PALM2AKAP2: variants seen among roughly 807,000 people sequenced by gnomAD.
The protein encoded by PALM2AKAP2 is PALM2 and AKAP2 fusion, also known as PALM2-AKAP2 fusion protein.
PALM2AKAP2 carries 37 observed loss-of-function variants against 71.5 expected under a neutral mutation model. That is an observed-to-expected ratio of 0.52 (90% CI 0.40 to 0.68). PALM2AKAP2 has a LOEUF of 0.68. Ranked by LOEUF, PALM2AKAP2 falls within the 30% of genes least tolerant of loss-of-function variation. PALM2AKAP2 has a pLI of 0.00. For missense variants in PALM2AKAP2, 1,224 were observed against 1,191.8 expected (o/e 1.03, Z -0.40); for synonymous variants, 468 against 478.8 (o/e 0.98, Z 0.29).
intron 2 of PALM2AKAP2, among the ~76,000 whole-genome samples, chr9:110,141,988 A>T (rs1836042858): frequency 6.6e-6 from 1 of 151,896 alleles, no homozygotes; most frequent in Admixed American, 6.5e-5. Context: ...ACAATGAATG[A>T]TAGAAGTTCT....
At position 109,993,184 on chromosome 9, in the gene PALM2AKAP2, TA is replaced by T. The variant is rs3063883; in HGVS notation, c.497-22755del. 3.2e-4 allele frequency among the ~76,000 whole-genome samples: 44 copies of T among 138,800 alleles called. 1 individual carries two copies. Among genetic ancestry groups the T allele is most frequent in the South Asian group, 2.8e-3 (12 of 4,304 alleles). 91.1% of individuals were successfully genotyped at this position (138,800 alleles called of 152,430 possible). A position where few individuals can be genotyped will look rare whatever the true frequency, so the allele number is the denominator to read the frequency against. On this transcript the variant is annotated intron_variant, in intron 6 of 9. Transcript: ENST00000302798. ...GACAGAATCCTAATTCAAAGTGCCT[TA>T]AAAAAAAAAAAAAAGATAATATCTT...
At chr9:109,861,526 G>T (rs1829309477) in intron 1 of PALM2AKAP2, among the ~76,000 whole-genome samples, 1 of 152,106 alleles carries the variant, frequency 6.6e-6, no homozygotes, top group Non-Finnish European at 1.5e-5. Context: ...GAAAGTGAAT[G>T]AAAGTGGCTT....
intron 1 of PALM2AKAP2, among the ~76,000 whole-genome samples, chr9:110,052,153 C>T (rs997228532): frequency 4.6e-5 from 7 of 152,324 alleles, no homozygotes; most frequent in East Asian, 1.9e-4. Flanking sequence ...CTGCCCGCCT[C>T]GGCCTCCCAA....
At chr9:109,738,172 A>T (rs1828665649) in intron 1 of PALM2AKAP2, among the ~76,000 whole-genome samples, 1 of 152,198 alleles carries the variant, frequency 6.6e-6, no homozygotes. Context: ...CTCACAGTAT[A>T]TCTGGGAGGT....
intron 1 of PALM2AKAP2, among the ~76,000 whole-genome samples, chr9:109,795,691 T>C (rs969160268): frequency 3.9e-5 from 6 of 152,218 alleles, no homozygotes; most frequent in Admixed American, 2.6e-4. Context: ...CATACACGTG[T>C]AAGGAACCTT....
chr9:110,000,582 C>T (rs188599367), intron 6 of PALM2AKAP2, among the ~76,000 whole-genome samples: 1,941 of 152,294 alleles, frequency 0.013, 42 homozygotes, highest in African/African-American at 0.043. Context: ...TCTGAGGAAT[C>T]GCCACACTGA....
chr9:109,882,004 C>T (rs531566489), intron 3 of PALM2AKAP2, among the ~76,000 whole-genome samples: 1 of 151,404 alleles, frequency 6.6e-6, no homozygotes, highest in East Asian at 1.9e-4. Flanking sequence ...CTGCCTCAGC[C>T]TCCCGAGTAG....
intron 1 of PALM2AKAP2, among the ~76,000 whole-genome samples, chr9:109,752,743 T>C (rs1275674915): frequency 6.6e-6 from 1 of 152,098 alleles, no homozygotes; most frequent in South Asian, 2.1e-4. Flanking sequence ...AAAGGAATGA[T>C]AAGAACCACT....
intron 2 of PALM2AKAP2, among the ~76,000 whole-genome samples, chr9:110,141,709 C>T (rs1222436352): frequency 6.6e-6 from 1 of 152,190 alleles, no homozygotes; most frequent in Non-Finnish European, 1.5e-5. Context: ...GAAGTGACTC[C>T]ACTAGTTTGT....
chr9:109,955,791 G>C (rs1221671241), intron 6 of PALM2AKAP2, among the ~76,000 whole-genome samples: 3 of 151,880 alleles, frequency 2.0e-5, no homozygotes, highest in Non-Finnish European at 2.9e-5. Flanking sequence ...AACAAAATTA[G>C]CTGGGTGTAG....
intron 3 of PALM2AKAP2, among the ~76,000 whole-genome samples, chr9:109,882,689 C>T (rs765676623): frequency 2.6e-5 from 4 of 151,942 alleles, no homozygotes; most frequent in Non-Finnish European, 5.9e-5. Flanking sequence ...GCTGTCCAGG[C>T]TGGACTGCAG....
chr9:110,106,001 A>G (rs879260432), intron 1 of PALM2AKAP2, among the ~76,000 whole-genome samples: 3 of 152,164 alleles, frequency 2.0e-5, no homozygotes, highest in African/African-American at 4.8e-5. Flanking sequence ...TCTTTTTCAT[A>G]TTCTTTCTGT....
chr9:110,014,485 C>T (rs1832937421), intron 6 of PALM2AKAP2, among the ~76,000 whole-genome samples: 1 of 151,796 alleles, frequency 6.6e-6, no homozygotes, highest in Non-Finnish European at 1.5e-5. Flanking sequence ...AAAATATACA[C>T]TTGCCAGTTG....
chr9:110,000,411 A>C (rs1832661346), intron 6 of PALM2AKAP2, among the ~76,000 whole-genome samples: 1 of 152,076 alleles, frequency 6.6e-6, no homozygotes, highest in Admixed American at 6.5e-5. Flanking sequence ...CCAGTCTATC[A>C]TTGTTCGACA....
chr9:109,884,233 AG>A, intron 3 of PALM2AKAP2, among the ~76,000 whole-genome samples: 1 of 152,294 alleles, frequency 6.6e-6, no homozygotes, highest in Middle Eastern at 3.4e-3. Context: ...AGACCGAGGC[AG>A]GTGGATCACC....
At chr9:110,010,692 A>G (rs1201520737) in intron 6 of PALM2AKAP2, among the ~76,000 whole-genome samples, 1 of 148,566 alleles carries the variant, frequency 6.7e-6, no homozygotes, top group Admixed American at 6.7e-5. Context: ...ATACTAAAGT[A>G]TATTTATAGA....
chr9:110,096,845 A>G (rs1259576693), intron 1 of PALM2AKAP2, among the ~76,000 whole-genome samples: 2 of 152,036 alleles, frequency 1.3e-5, no homozygotes, highest in African/African-American at 4.8e-5. Context: ...TGGGAAGGCT[A>G]TTGATATTTT....
At chr9:110,101,225 A>T (rs933681302) in intron 1 of PALM2AKAP2, among the ~76,000 whole-genome samples, 20 of 151,948 alleles carry the variant, frequency 1.3e-4, no homozygotes, top group Admixed American at 3.9e-4. Context: ...ACTTGCCAAA[A>T]CAGAAATTTT....
chr9:109,995,097 T>C (rs894515071), intron 6 of PALM2AKAP2, among the ~76,000 whole-genome samples: 2 of 152,154 alleles, frequency 1.3e-5, no homozygotes, highest in Non-Finnish European at 2.9e-5. Context: ...TTCTACATGA[T>C]TCAAGTGAGT....
Sources: gnomAD v4.1 joint callset for allele counts (sites outside exome capture counted in the v4.1 genomes callset) on GRCh38, gnomAD v4.1.1 for gene constraint, MANE v1.5 for transcripts, NCBI Gene and HGNC (gene_info 2026-07-23, HGNC 2026-07-21) for gene names.